SNTG2: variants seen among roughly 807,000 people sequenced by gnomAD.
SNTG2 encodes syntrophin gamma 2, also known as gamma-2-syntrophin.
A neutral mutation model predicts 70.9 loss-of-function variants in SNTG2; 74 were observed. That is an observed-to-expected ratio of 1.04 (90% CI 0.86 to 1.27). The LOEUF (loss-of-function observed/expected upper bound fraction) is 1.27, where lower values mean the gene tolerates loss of function less well. Among genes scored for constraint, SNTG2 ranks in the 50% most tolerant of loss-of-function variants. The pLI, the probability that SNTG2 is intolerant of heterozygous loss-of-function variation, is 0.00. For missense variants in SNTG2, 717 were observed against 690.7 expected (o/e 1.04, Z -0.43); for synonymous variants, 278 against 273.8 (o/e 1.02, Z -0.15).
intron 2 of SNTG2, among the ~76,000 whole-genome samples, chr2:1,086,270 C>T (rs1436808863): frequency 6.6e-6 from 1 of 152,192 alleles, no homozygotes; most frequent in African/African-American, 2.4e-5. Flanking sequence ...CAGGGGACAG[C>T]CCAGGGGCTG....
intron 1 of SNTG2, among the ~76,000 whole-genome samples, chr2:1,050,677 T>G (rs1572301406): frequency 6.6e-6 from 1 of 152,326 alleles, no homozygotes; most frequent in East Asian, 1.9e-4. Context: ...TAGAGCCCCT[T>G]TATGAATTTT....
At chr2:1,172,767 T>C (rs1365153828) in intron 7 of SNTG2, among the ~76,000 whole-genome samples, 2 of 152,196 alleles carry the variant, frequency 1.3e-5, no homozygotes, top group Non-Finnish European at 2.9e-5. Context: ...AGGCGCCTTG[T>C]GCTGACCATT....
At position 973,838 on chromosome 2, in the gene SNTG2, T is replaced by G. The variant is rs576857670; in HGVS notation, c.72+22770T>G. Among the ~76,000 whole-genome samples the G allele has an allele frequency of 2.0e-5, 3 of 152,340 alleles. No individual in the cohort carries two copies. The South Asian group carries it at 6.2e-4, about 32-fold the overall frequency. On this transcript the variant is annotated intron_variant, in intron 1 of 16. Transcript: ENST00000308624. ...ATGGAAGGGATTCATGCTGATGCTC[T>G]GTATTGCTTTCATTCATTTAGTTTT...
At chr2:1,135,279 G>A (rs1190127725) in intron 4 of SNTG2, among the ~76,000 whole-genome samples, 4 of 152,156 alleles carry the variant, frequency 2.6e-5, no homozygotes, top group Admixed American at 6.5e-5. Context: ...TGTTCTGTAG[G>A]ATCTCAGGCA....
intron 1 of SNTG2, among the ~76,000 whole-genome samples, chr2:1,045,279 C>T (rs1313154391): frequency 6.6e-6 from 1 of 151,736 alleles, no homozygotes. Context: ...TGGATCTTCT[C>T]TCTTACTTCC....
At chr2:1,328,623 C>T (rs1305378264) in intron 16 of SNTG2, among the ~76,000 whole-genome samples, 1 of 152,124 alleles carries the variant, frequency 6.6e-6, no homozygotes, top group East Asian at 1.9e-4. Flanking sequence ...GATGGAGGAG[C>T]TCTTGTTTTC....
intron 7 of SNTG2, among the ~76,000 whole-genome samples, chr2:1,166,372 T>G (rs1558480823): frequency 6.6e-6 from 1 of 152,144 alleles, no homozygotes; most frequent in Non-Finnish European, 1.5e-5. Flanking sequence ...ACAGTCGGGT[T>G]CCTTCTCATG....
intron 16 of SNTG2, among the ~76,000 whole-genome samples, chr2:1,356,095 G>A (rs992460208): frequency 6.6e-6 from 1 of 152,176 alleles, no homozygotes; most frequent in Non-Finnish European, 1.5e-5. Flanking sequence ...ATTAACCCCT[G>A]ATTAGATATG....
At chr2:1,178,260 T>C (rs1671618043) in intron 8 of SNTG2, among the ~76,000 whole-genome samples, 1 of 152,214 alleles carries the variant, frequency 6.6e-6, no homozygotes. Flanking sequence ...AGGGACAATT[T>C]GACTTCCTCT....
chr2:1,241,465 CTTTTTT>C (rs895432866), intron 11 of SNTG2, among the ~76,000 whole-genome samples: 1 of 148,498 alleles, frequency 6.7e-6, no homozygotes, highest in Non-Finnish European at 1.5e-5. Context: ...AAAGCATTTT[CTTTTTT>C]TTTTATTATT....
chr2:1,175,888 A>C (rs1193540479), intron 8 of SNTG2, among the ~76,000 whole-genome samples: 2 of 152,218 alleles, frequency 1.3e-5, no homozygotes, highest in Non-Finnish European at 2.9e-5. Flanking sequence ...TGGTAAGTGC[A>C]GTGGAAAAGT....
At chr2:1,255,991 T>C (rs770572597) in intron 12 of SNTG2, among the ~76,000 whole-genome samples, 7 of 148,238 alleles carry the variant, frequency 4.7e-5, no homozygotes, top group Non-Finnish European at 8.9e-5. Context: ...TAGCCACGCA[T>C]TGCTTAAGGA....
intron 4 of SNTG2, among the ~76,000 whole-genome samples, chr2:1,112,275 T>G (rs1666524616): frequency 6.6e-6 from 1 of 151,456 alleles, no homozygotes; most frequent in Non-Finnish European, 1.5e-5. Context: ...GAGTACTAAG[T>G]GAGGTTTAAC....
chr2:1,310,821 A>G (rs1680947446), intron 15 of SNTG2, among the ~76,000 whole-genome samples: 1 of 152,138 alleles, frequency 6.6e-6, no homozygotes, highest in Admixed American at 6.5e-5. Context: ...CCTAAAATCA[A>G]TCCAGTCAAC....
intron 4 of SNTG2, among the ~76,000 whole-genome samples, chr2:1,127,831 A>C (rs1402194016): frequency 1.3e-5 from 2 of 152,136 alleles, no homozygotes; most frequent in Non-Finnish European, 2.9e-5. Flanking sequence ...TACTGAATTC[A>C]TTTATCAGTG....
intron 1 of SNTG2, among the ~76,000 whole-genome samples, chr2:1,065,133 G>T (rs1400922183): frequency 6.6e-6 from 1 of 152,136 alleles, no homozygotes; most frequent in Non-Finnish European, 1.5e-5. Context: ...TGTGGGATGT[G>T]GGGGTGTCAG....
intron 1 of SNTG2, among the ~76,000 whole-genome samples, chr2:1,067,666 C>T (rs546915639): frequency 4.3e-4 from 66 of 152,284 alleles, no homozygotes; most frequent in Non-Finnish European, 7.9e-4. Flanking sequence ...CTTGGAGCAG[C>T]ACACGTCTCA....
chr2:1,304,706 A>G (rs760770426), intron 14 of SNTG2, among the ~76,000 whole-genome samples: 13 of 149,870 alleles, frequency 8.7e-5, no homozygotes, highest in Non-Finnish European at 1.8e-4. Flanking sequence ...AGCCTGGGCA[A>G]TAAGAGCGAA....
At chr2:1,156,868 AC>A (rs1388815202) in intron 6 of SNTG2, among the ~76,000 whole-genome samples, 1 of 152,004 alleles carries the variant, frequency 6.6e-6, no homozygotes, top group African/African-American at 2.4e-5. Context: ...CAGGGCGGCA[AC>A]TCTTGGTGAA....
Sources: allele counts gnomAD v4.1 joint callset (sites outside exome capture counted in the v4.1 genomes callset), GRCh38; gene constraint gnomAD v4.1.1; transcripts MANE v1.5; gene names NCBI Gene and HGNC (gene_info 2026-07-23, HGNC 2026-07-21).